Variants in FRMPD2 observed in about 807,000 individuals in gnomAD.
FRMPD2 encodes the protein FERM and PDZ domain-containing protein 2.
A neutral mutation model predicts 140.1 loss-of-function variants in FRMPD2; 96 were observed. The observed-to-expected ratio is 0.69, with a 90% confidence interval of 0.58 to 0.81. The LOEUF (loss-of-function observed/expected upper bound fraction) is 0.81. FRMPD2 is among the 40% of genes least tolerant of loss of function. The pLI, the probability that FRMPD2 is intolerant of heterozygous loss-of-function variation, is 0.00. For missense variants in FRMPD2, 1,240 were observed against 1,447.4 expected, an observed-to-expected ratio of 0.86 and a Z score of 2.32; for synonymous variants, 449 against 547.6, an observed-to-expected ratio of 0.82 and a Z score of 2.52.
intron 15 of FRMPD2, among the ~76,000 whole-genome samples, chr10:48,199,440 T>C (rs1839030828): frequency 1.3e-5 from 2 of 152,208 alleles, no homozygotes; most frequent in Middle Eastern, 3.2e-3. Flanking sequence ...TCACTGTAAT[T>C]GCTAAGCAGC....
rs773597347 is a variant in FRMPD2 at position 48,192,830 on chromosome 10, G to C, written c.2019C>G (p.Leu673=). ...AGCATGACAATCTCTGAATCCAAATGAGAGGCTTAGACCGGGCCTGGTGTG... is the reference window on the plus strand; with the variant it reads ...AGCATGACAATCTCTGAATCCAAATCAGAGGCTTAGACCGGGCCTGGTGTG... ...SPAHQARSKP[L]IWIQRLSCSE... The change falls in exon 16 of 29, where the codon CTC becomes CTG. Residue 673 remains leucine, a synonymous_variant. Coordinates refer to ENST00000374201, the MANE Select transcript of FRMPD2 (RefSeq NM_001018071.4). 6.2e-7 allele frequency: 1 copy of C among 1,614,144 alleles called. No homozygotes were observed. Among genetic ancestry groups the C allele is most frequent in the African/African-American group, 1.3e-5 (1 of 75,034 alleles).
At chr10:48,223,926 G>A (rs1839667531) in intron 10 of FRMPD2, among the ~76,000 whole-genome samples, 1 of 152,192 alleles carries the variant, frequency 6.6e-6, no homozygotes, top group African/African-American at 2.4e-5. Flanking sequence ...ACCAGGAATG[G>A]AAATCAGCTG....
At chr10:48,200,458 C>A (rs908346225) in intron 15 of FRMPD2, among the ~76,000 whole-genome samples, 1 of 152,220 alleles carries the variant, frequency 6.6e-6, no homozygotes, top group African/African-American at 2.4e-5. Flanking sequence ...GGAGTTTTAT[C>A]TATAAAAGCC....
intron 14 of FRMPD2, 129 bp downstream of exon 14, chr10:48,206,619 A>G: frequency 1.4e-6 from 1 of 723,600 alleles, no homozygotes. Context: ...GCAGGTTAAC[A>G]AACAGACAGG....
intron 24 of FRMPD2, among the ~76,000 whole-genome samples, chr10:48,174,261 C>T (rs1389165152): frequency 2.0e-5 from 3 of 152,028 alleles, no homozygotes; most frequent in Admixed American, 6.5e-5. Flanking sequence ...CAGTTAGAGG[C>T]TCCTAACCTC....
At chr10:48,218,192 C>T (rs376681995) in intron 12 of FRMPD2, among the ~76,000 whole-genome samples, 1 of 152,136 alleles carries the variant, frequency 6.6e-6, no homozygotes, top group African/African-American at 2.4e-5. Flanking sequence ...TGGATTAGGG[C>T]CCACCCTAAC....
intron 10 of FRMPD2, among the ~76,000 whole-genome samples, chr10:48,229,460 G>A (rs183117821): frequency 8.5e-5 from 13 of 152,188 alleles, no homozygotes; most frequent in African/African-American, 3.1e-4. Context: ...GGTCTTTCCA[G>A]CTGGGCCCTT....
In FRMPD2 at chr10:48,175,637, C is replaced by A. The variant is rs186772487; in HGVS notation, c.2989+209G>T. Among the ~76,000 whole-genome samples the A allele has an allele frequency of 3.2e-4, 48 of 152,108 alleles. No homozygotes were observed. In the East Asian group the frequency reaches 8.7e-3, roughly 28 times the overall value. On this transcript the variant is annotated intron_variant, in intron 23 of 28. Transcript: ENST00000374201. ...TCTATCACCTATGCTTCCCAGTGTG[C>A]CACTGCAGACCCCCCAACCTATCAA...
intron 6 of FRMPD2, 141 bp downstream of exon 6, chr10:48,240,219 T>A (rs1478358417): frequency 2.3e-6 from 2 of 887,450 alleles, no homozygotes; most frequent in African/African-American, 1.7e-5. Context: ...CAGCCCCTTC[T>A]CTTCAGGGGC....
At chr10:48,212,711 G>A (rs1229047543) in intron 12 of FRMPD2, among the ~76,000 whole-genome samples, 1 of 152,166 alleles carries the variant, frequency 6.6e-6, no homozygotes, top group Non-Finnish European at 1.5e-5. Context: ...TGGAAAAGGG[G>A]AGACTGGATA....
intron 12 of FRMPD2, among the ~76,000 whole-genome samples, chr10:48,215,686 G>C (rs1289988956): frequency 1.3e-5 from 2 of 152,174 alleles, no homozygotes; most frequent in Admixed American, 1.3e-4. Flanking sequence ...ATGTCCTCAG[G>C]GCACTAGACA....
At chr10:48,232,340 T>G in intron 9 of FRMPD2, 51 bp from the exon 10 acceptor site, 1 of 1,379,294 alleles carries the variant, frequency 7.3e-7, no homozygotes, top group Non-Finnish European at 1.0e-6. Flanking sequence ...TCATTGAGCC[T>G]TTAGTGTGTG....
rs978889781 is a variant in FRMPD2, at chr10:48,236,572, A to G, written c.922-19T>C. On this transcript the variant is annotated intron_variant, in intron 8 of 28. Transcript: ENST00000374201. ...TGGAAAACTGGAGGAAAACAGTCACATATGGTAGAGAAGACAACAGATTCC... is the reference window on the plus strand; with the variant it reads ...TGGAAAACTGGAGGAAAACAGTCACGTATGGTAGAGAAGACAACAGATTCC... 5 of 1,612,442 alleles carry G rather than the reference A, an allele frequency of 3.1e-6. No homozygotes were observed. Among genetic ancestry groups the G allele is most frequent in the Middle Eastern group, 3.3e-4 (2 of 6,056 alleles).
intron 1 of FRMPD2, among the ~76,000 whole-genome samples, chr10:48,259,427 A>G (rs1248439337): frequency 6.6e-6 from 1 of 152,382 alleles, no homozygotes; most frequent in East Asian, 1.9e-4. Context: ...ATATGGGTTT[A>G]AATTGGTCTT....
chr10:48,205,989 A>T (rs1456119547), intron 14 of FRMPD2, among the ~76,000 whole-genome samples: 1 of 152,202 alleles, frequency 6.6e-6, no homozygotes, highest in Non-Finnish European at 1.5e-5. Flanking sequence ...TAGGAAAAAA[A>T]CATTTTTTCA....
rs1394173503 is a variant in FRMPD2 at position 48,185,533 on chromosome 10, C to T, written c.2359+20G>A. 6.3e-7 allele frequency: 1 copy of T among 1,590,842 alleles called. No individual in the cohort carries two copies. The highest frequency in any genetic ancestry group is 8.6e-7 in the Non-Finnish European group (1 of 1,158,948). ...GCCCAGCAGTAGAGACTGGGCCTCA[C>T]CTACAGGGAGCCCTCTTACCAAAAC... On this transcript the variant is annotated intron_variant, in intron 18 of 28. Coordinates refer to ENST00000374201, the MANE Select transcript of FRMPD2 (RefSeq NM_001018071.4).
At chr10:48,258,280 G>T (rs2131978038) in intron 1 of FRMPD2, among the ~76,000 whole-genome samples, 1 of 152,302 alleles carries the variant, frequency 6.6e-6, no homozygotes, top group East Asian at 1.9e-4. Flanking sequence ...AGAGTTAAAG[G>T]TGTCAAGGCT....
chr10:48,237,463 C>T (rs11819269), intron 8 of FRMPD2, among the ~76,000 whole-genome samples: 10,313 of 152,186 alleles, frequency 0.068, 499 homozygotes, highest in African/African-American at 0.13. Flanking sequence ...GGAAGAGGGA[C>T]ATCCTGAGGC....
At chr10:48,185,682 C>T in intron 17 of FRMPD2, 37 bp from the exon 18 acceptor site, 2 of 1,505,418 alleles carry the variant, frequency 1.3e-6, no homozygotes, top group Non-Finnish European at 1.8e-6. Context: ...TGTGCTTTTC[C>T]CCCAAATTAT....
Sources: allele counts gnomAD v4.1 joint callset (sites outside exome capture counted in the v4.1 genomes callset), GRCh38; gene constraint gnomAD v4.1.1; transcripts MANE v1.5; gene names NCBI Gene and HGNC (gene_info 2026-07-23, HGNC 2026-07-21).